RETREG3: variants seen among roughly 807,000 people sequenced by gnomAD.
The protein encoded by RETREG3 is reticulophagy regulator family member 3.
RETREG3 carries 23 observed loss-of-function variants against 50.2 expected under a neutral mutation model. That is an observed-to-expected ratio of 0.46 (90% CI 0.33 to 0.65). The LOEUF is 0.65. Ranked by LOEUF, RETREG3 falls within the 30% of genes least tolerant of loss-of-function variation. The pLI, the probability that RETREG3 is intolerant of heterozygous loss-of-function variation, is 0.02. For synonymous variants in RETREG3, 240 were observed against 234.4 expected, an observed-to-expected ratio of 1.02 and a Z score of -0.22; for missense variants, 546 against 598.0, an observed-to-expected ratio of 0.91 and a Z score of 0.91.
chr17:42,581,934 G>T lies in RETREG3; in HGVS notation c.1280C>A (p.Thr427Lys), dbSNP rs141125973. Residue 427 changes from threonine to lysine, a missense_variant, in exon 9 of 9, where the codon ACG becomes AAG. Thr to Lys is a moderately conservative substitution (Grantham distance 78). Transcript: ENST00000309428. ...ACTGGGGGACCGGAGGAAGCCTCTC[G>T]TTGCTCTCTGGGCAGGTGCTCCAGA... The part of the protein sequence containing the change: ...GPSGAPAQRA[T>K]RGFLRSPSSD... The T allele has an allele frequency of 9.0e-5, 146 of 1,614,136 alleles. No homozygotes were observed. In the African/African-American group the frequency reaches 1.7e-3, roughly 19 times the overall value.
At chr17:42,598,227 C>T (rs1232730475) in intron 1 of RETREG3, among the ~76,000 whole-genome samples, 2 of 151,718 alleles carry the variant, frequency 1.3e-5, no homozygotes, top group African/African-American at 2.4e-5. Flanking sequence ...ATGATCCACC[C>T]GCCTCAGCCT....
At chr17:42,598,031 G>A (rs1391424571) in intron 1 of RETREG3, among the ~76,000 whole-genome samples, 1 of 144,538 alleles carries the variant, frequency 6.9e-6, no homozygotes, top group Non-Finnish European at 1.5e-5. Context: ...GCCCAGGCTG[G>A]AGTACAGTGG....
At chr17:42,594,229 TAGATTAGAA>T (rs2093139108) in intron 1 of RETREG3, among the ~76,000 whole-genome samples, 1 of 152,054 alleles carries the variant, frequency 6.6e-6, no homozygotes, top group Non-Finnish European at 1.5e-5. Context: ...AAATCATGTA[TAGATTAGAA>T]CAGAATATAA....
intron 1 of RETREG3, among the ~76,000 whole-genome samples, chr17:42,607,421 G>T (rs2093169729): frequency 6.9e-6 from 1 of 145,006 alleles, no homozygotes; most frequent in African/African-American, 2.5e-5. Context: ...GATTGCTTGA[G>T]CCCAGGAAGT....
intron 2 of RETREG3, among the ~76,000 whole-genome samples, chr17:42,591,141 C>A (rs1283164204): frequency 6.6e-6 from 1 of 152,194 alleles, no homozygotes; most frequent in Non-Finnish European, 1.5e-5. Context: ...ACTGGACTCT[C>A]TAGAAACAGA....
intron 7 of RETREG3, 146 bp downstream of exon 7, chr17:42,583,352 G>A (rs2093114119): frequency 1.6e-6 from 1 of 620,750 alleles, no homozygotes; most frequent in Non-Finnish European, 2.7e-6. Context: ...TGAGATCTAG[G>A]AACAAAGTCT....
intron 2 of RETREG3, among the ~76,000 whole-genome samples, chr17:42,591,802 T>C (rs1217602398): frequency 6.6e-6 from 1 of 152,178 alleles, no homozygotes; most frequent in African/African-American, 2.4e-5. Flanking sequence ...CCTCAGGCCA[T>C]TATGTTGGCA....
chr17:42,587,975 A>C (rs2093124498), intron 2 of RETREG3, 111 bp from the exon 3 acceptor site: 6 of 1,184,648 alleles, frequency 5.1e-6, no homozygotes, highest in Non-Finnish European at 2.5e-6. Flanking sequence ...AAAAGAAAAC[A>C]GTAATAGCCG....
At position 42,595,355 on chromosome 17, in the gene RETREG3, G is replaced by A. The variant is rs563695276; in HGVS notation, c.240-3193C>T. On this transcript the variant is annotated intron_variant, in intron 1 of 8. Coordinates refer to ENST00000309428, the MANE Select transcript of RETREG3 (RefSeq NM_178126.4). Reference sequence around the variant, plus strand: ...CTCCCTGACCTCGTGATCCTACCTTGGCCTCCCAAAGTGCTGGGATTACAG... The same window carrying A: ...CTCCCTGACCTCGTGATCCTACCTTAGCCTCCCAAAGTGCTGGGATTACAG... Among the ~76,000 whole-genome samples the A allele has an allele frequency of 1.3e-4, 19 of 151,306 alleles. 1 individual carries two copies. The South Asian group carries it at 2.7e-3, about 22-fold the overall frequency.
chr17:42,606,506 C>G (rs1347137937), intron 1 of RETREG3, among the ~76,000 whole-genome samples: 1 of 151,878 alleles, frequency 6.6e-6, no homozygotes, highest in African/African-American at 2.4e-5. Flanking sequence ...GAGACTGAGT[C>G]AGGAGAATGG....
chr17:42,581,722 G>A lies in RETREG3; in HGVS notation c.*91C>T. On this transcript the variant is annotated 3_prime_UTR_variant, in exon 9 of 9. Coordinates refer to ENST00000309428, the MANE Select transcript of RETREG3 (RefSeq NM_178126.4). The stretch of plus-strand genomic sequence containing the variant: ...AGCATACAAATATAATTCAGGGGAG[G>A]GGAGCTGAGTTCTTCCCTTGCCCCA... 8.4e-7 allele frequency: 1 copy of A among 1,183,644 alleles called. No homozygotes were observed. 73.3% of individuals were successfully genotyped at this position (1,183,644 alleles called of 1,614,324 possible).
At chr17:42,584,693 A>G (rs2093117358) in intron 6 of RETREG3, among the ~76,000 whole-genome samples, 1 of 151,834 alleles carries the variant, frequency 6.6e-6, no homozygotes, top group Non-Finnish European at 1.5e-5. Context: ...CTGTAGTCCC[A>G]GCTACTGAAG....
intron 2 of RETREG3, among the ~76,000 whole-genome samples, chr17:42,590,334 G>A (rs994463521): frequency 2.0e-5 from 3 of 152,030 alleles, no homozygotes; most frequent in African/African-American, 7.2e-5. Context: ...TCATGCCACT[G>A]TACTCCAAAA....
chr17:42,585,470 G>A (rs1262864833), intron 5 of RETREG3, among the ~76,000 whole-genome samples: 1 of 152,214 alleles, frequency 6.6e-6, no homozygotes, highest in Non-Finnish European at 1.5e-5. Context: ...AAAGCCTACT[G>A]CAGGGTTGTG....
chr17:42,596,153 G>C, intron 1 of RETREG3, among the ~76,000 whole-genome samples: 1 of 151,382 alleles, frequency 6.6e-6, no homozygotes, highest in Non-Finnish European at 1.5e-5. Context: ...AGGATGGCTT[G>C]AGCCCAGGAG....
intron 1 of RETREG3, 45 bp downstream of exon 1, chr17:42,609,041 A>G: frequency 6.4e-7 from 1 of 1,573,306 alleles, no homozygotes; most frequent in Non-Finnish European, 8.6e-7. Context: ...AGAGGAACCA[A>G]CGAATTCGGG....
chr17:42,602,766 AC>A (rs2093160902), intron 1 of RETREG3, among the ~76,000 whole-genome samples: 1 of 152,106 alleles, frequency 6.6e-6, no homozygotes, highest in Non-Finnish European at 1.5e-5. Context: ...ACATGGTGAA[AC>A]CTTGTTTCTA....
At chr17:42,596,524 ATTCC>A (rs2093145380) in intron 1 of RETREG3, 1 of 151,594 alleles carries the variant, frequency 6.6e-6, no homozygotes, top group African/African-American at 2.4e-5. Context: ...TTTTTCCTCC[ATTCC>A]TTACCCATAC....
chr17:42,594,357 A>T (rs1002649191), intron 1 of RETREG3, among the ~76,000 whole-genome samples: 2 of 152,034 alleles, frequency 1.3e-5, no homozygotes, highest in African/African-American at 4.8e-5. Flanking sequence ...GGAGTTCAAA[A>T]CCAGCCTGGA....
Sources: gnomAD v4.1 joint callset for allele counts (sites outside exome capture counted in the v4.1 genomes callset) on GRCh38, gnomAD v4.1.1 for gene constraint, MANE v1.5 for transcripts, NCBI Gene and HGNC (gene_info 2026-07-23, HGNC 2026-07-21) for gene names.